Variants in RGS6 observed in about 807,000 individuals in gnomAD.
RGS6 encodes the protein regulator of G-protein signaling 6.
Under a neutral mutation model 78.5 loss-of-function variants are expected in RGS6, and 30 were observed. The observed-to-expected ratio is 0.38, with a 90% CI of 0.29 to 0.52. The LOEUF (loss-of-function observed/expected upper bound fraction) is 0.52. Ranked by LOEUF, RGS6 falls within the 20% of genes least tolerant of loss-of-function variation. The pLI is 0.85. For missense variants in RGS6, 495 were observed against 609.7 expected (o/e 0.81, Z 1.98); for synonymous variants, 206 against 206.0 (o/e 1.00, Z 0.00).
intron 2 of RGS6, among the ~76,000 whole-genome samples, chr14:72,071,872 A>G (rs889596079): frequency 2.0e-5 from 3 of 152,242 alleles, no homozygotes; most frequent in African/African-American, 7.2e-5. Flanking sequence ...TTCATGTTTC[A>G]TAGCAATCTC....
chr14:72,536,134 T>C, intron 15 of RGS6, 52 bp from the exon 16 acceptor site: 1 of 1,308,966 alleles, frequency 7.6e-7, no homozygotes, highest in Middle Eastern at 1.9e-4. Context: ...TAATATTCTT[T>C]AGCACTGGTT....
chr14:72,041,997 G>C (rs1380138179), intron 2 of RGS6, among the ~76,000 whole-genome samples: 1 of 152,088 alleles, frequency 6.6e-6, no homozygotes, highest in Non-Finnish European at 1.5e-5. Context: ...AATGGTGCTA[G>C]AATAGAGATT....
intron 17 of RGS6, among the ~76,000 whole-genome samples, chr14:72,559,423 C>T (rs907660683): frequency 1.3e-5 from 2 of 152,234 alleles, no homozygotes; most frequent in Non-Finnish European, 2.9e-5. Context: ...TGCCCGCATC[C>T]TGCATGATTA....
the RGS6 span, among the ~76,000 whole-genome samples, chr14:72,579,308 C>T: frequency 6.6e-6 from 1 of 152,232 alleles, no homozygotes; most frequent in Non-Finnish European, 1.5e-5. Context: ...CCCTGGCCAT[C>T]ACTGTCATGT....
intron 2 of RGS6, among the ~76,000 whole-genome samples, chr14:72,334,056 C>A (rs936396250): frequency 3.9e-5 from 6 of 152,256 alleles, no homozygotes; most frequent in African/African-American, 1.4e-4. Flanking sequence ...ACAACCTCCC[C>A]TTAAACCTCC....
chr14:72,497,247 C>A (rs1159783782), intron 13 of RGS6, among the ~76,000 whole-genome samples: 1 of 152,174 alleles, frequency 6.6e-6, no homozygotes, highest in Non-Finnish European at 1.5e-5. Flanking sequence ...CCATCCCAAG[C>A]ATCATCAATC....
chr14:71,950,760 GAC>G (rs1419530000), intron 1 of RGS6, among the ~76,000 whole-genome samples: 3 of 152,116 alleles, frequency 2.0e-5, no homozygotes, highest in Non-Finnish European at 4.4e-5. Flanking sequence ...GACTTGAACA[GAC>G]ACTTGTCAAA....
intron 1 of RGS6, among the ~76,000 whole-genome samples, chr14:71,940,884 C>T (rs916296805): frequency 1.3e-5 from 2 of 152,344 alleles, no homozygotes; most frequent in Admixed American, 6.5e-5. Context: ...TCCACCACCC[C>T]AATCTCCCTA....
the RGS6 span, among the ~76,000 whole-genome samples, chr14:72,611,466 C>T: frequency 6.6e-6 from 1 of 152,298 alleles, no homozygotes; most frequent in Non-Finnish European, 1.5e-5. Flanking sequence ...GGGCAGCTGA[C>T]CTTGCTGGGG....
At chr14:72,629,800 TCA>T in the RGS6 span, 1 of 1,294,068 alleles carries the variant, frequency 7.7e-7, no homozygotes, top group Non-Finnish European at 1.1e-6. Flanking sequence ...TCAACACCAC[TCA>T]CTGGAAACAC....
intron 2 of RGS6, among the ~76,000 whole-genome samples, chr14:72,184,227 T>C (rs1271659001): frequency 6.6e-6 from 1 of 152,134 alleles, no homozygotes; most frequent in Non-Finnish European, 1.5e-5. Context: ...TACAGTGCTC[T>C]CGCAAATATT....
intron 2 of RGS6, among the ~76,000 whole-genome samples, chr14:72,149,214 A>G (rs897093181): frequency 3.9e-5 from 6 of 152,200 alleles, no homozygotes; most frequent in African/African-American, 1.4e-4. Context: ...GAGTGTCACA[A>G]GAATAAAGTG....
intron 2 of RGS6, among the ~76,000 whole-genome samples, chr14:72,141,964 A>G (rs2096546194): frequency 6.6e-6 from 1 of 151,900 alleles, no homozygotes; most frequent in South Asian, 2.1e-4. Context: ...TATCCATTAA[A>G]TACATATTGA....
chr14:72,127,299 T>C (rs1461979110), intron 2 of RGS6, among the ~76,000 whole-genome samples: 1 of 152,226 alleles, frequency 6.6e-6, no homozygotes, highest in Non-Finnish European at 1.5e-5. Context: ...GTATGAATTG[T>C]TACCTTTACT....
At chr14:71,972,453 C>A (rs965998328) in intron 2 of RGS6, among the ~76,000 whole-genome samples, 6 of 152,024 alleles carry the variant, frequency 3.9e-5, no homozygotes, top group African/African-American at 7.3e-5. Flanking sequence ...ACCAATAAGA[C>A]CCTAACGAAT....
chr14:72,599,924 C>T, the RGS6 span, among the ~76,000 whole-genome samples: 1 of 152,148 alleles, frequency 6.6e-6, no homozygotes, highest in Non-Finnish European at 1.5e-5. Flanking sequence ...AGCTTCCATC[C>T]ACACCTGTCC....
the RGS6 span, among the ~76,000 whole-genome samples, chr14:72,574,309 G>C: frequency 6.6e-6 from 1 of 152,198 alleles, no homozygotes; most frequent in South Asian, 2.1e-4. Flanking sequence ...ACAGTGTTCT[G>C]TGACTTTCCC....
chr14:72,118,578 C>T (rs2095966493), intron 2 of RGS6, among the ~76,000 whole-genome samples: 1 of 152,170 alleles, frequency 6.6e-6, no homozygotes, highest in African/African-American at 2.4e-5. Flanking sequence ...CTGCTACAGC[C>T]TAGGAGCAGA....
At chr14:72,157,044 C>T (rs533011572) in intron 2 of RGS6, among the ~76,000 whole-genome samples, 1 of 152,306 alleles carries the variant, frequency 6.6e-6, no homozygotes, top group Admixed American at 6.5e-5. Context: ...TGAAGCTGTT[C>T]TTCACCTTCT....
Sources: allele counts gnomAD v4.1 joint callset (sites outside exome capture counted in the v4.1 genomes callset), GRCh38; gene constraint gnomAD v4.1.1; transcripts MANE v1.5; gene names NCBI Gene and HGNC (gene_info 2026-07-23, HGNC 2026-07-21).